TLCD3B: variants seen among roughly 807,000 people sequenced by gnomAD.
The protein encoded by TLCD3B is ceramide synthase.
In TLCD3B, 9 loss-of-function variants were observed where a neutral mutation model predicts 23.0. That is an observed-to-expected ratio of 0.39 (90% CI 0.24 to 0.68). TLCD3B has a LOEUF of 0.68. TLCD3B is among the 30% of genes least tolerant of loss of function. TLCD3B has a pLI of 0.44. For missense variants in TLCD3B, 307 were observed against 371.8 expected (o/e 0.83, Z 1.43); for synonymous variants, 161 against 161.0 (o/e 1.00, Z 0.00).
chr16:30,048,624 CT>C (rs111248569), intron 1 of TLCD3B, among the ~76,000 whole-genome samples: 13,139 of 147,122 alleles, frequency 0.089, 745 homozygotes, highest in African/African-American at 0.15. Flanking sequence ...GTTCTAAAGG[CT>C]TTTTTTTTTT....
Position 30,029,459 on chromosome 16 carries a change from G to A in TLCD3B, c.182C>T (p.Thr61Ile), listed in dbSNP as rs368320502. ...MASTAGYIVS[T>I]SCKHIIDDQH... The stretch of plus-strand genomic sequence containing the variant: ...GTCATCAATGATGTGCTTGCAGGAG[G>A]TGGAGACGATGTAGCCGGCAGTGGA... Residue 61 changes from threonine (T) to isoleucine (I), a missense_variant, in exon 2 of 5, where the codon ACC becomes ATC. By Grantham distance (89) the Thr-to-Ile change is moderately conservative (BLOSUM62 -1). Coordinates refer to ENST00000380495, the MANE Select transcript of TLCD3B (RefSeq NM_031478.6). This position sits in a 1 kb window ranked among gnomAD's most constrained non-coding sequence, Gnocchi z 4.6. 9 of 1,614,062 alleles carry A rather than the reference G, an allele frequency of 5.6e-6. No homozygotes were observed. Among genetic ancestry groups the A allele is most frequent in the African/African-American group, 2.7e-5 (2 of 75,044 alleles).
chr16:30,050,080 C>A (rs1424156060), intron 1 of TLCD3B, among the ~76,000 whole-genome samples: 1 of 152,214 alleles, frequency 6.6e-6, no homozygotes, highest in Non-Finnish European at 1.5e-5. Flanking sequence ...AAAACACCAG[C>A]ACCAGCGAGT....
rs769351400 is a variant in TLCD3B at position 30,025,495 on chromosome 16, G to C, written c.541-28C>G. ...GAGGAGACACAGACACAGTGGCCAC[G>C]GCAGCAGAAGGGCTCGGCCCCCCTT... On this transcript the variant is annotated intron_variant, in intron 4 of 4. Transcript: ENST00000380495. The surrounding 1 kb of genome is among the most constrained non-coding windows in gnomAD (Gnocchi z 4.1). 2.9e-5 allele frequency: 47 copies of C among 1,608,596 alleles called. 2 individuals carry two copies. The Admixed American group carries it at 7.9e-4, about 27-fold the overall frequency.
In TLCD3B at chr16:30,029,692, C is replaced by T. The variant is rs764644614; in HGVS notation, c.126-177G>A. Among the ~76,000 whole-genome samples, 4 of 152,224 alleles carry T rather than the reference C, an allele frequency of 2.6e-5. No homozygotes were observed. Among genetic ancestry groups the T allele is most frequent in the East Asian group, 1.9e-4 (1 of 5,194 alleles). On this transcript the variant is annotated intron_variant, in intron 1 of 4. Coordinates refer to ENST00000380495, the MANE Select transcript of TLCD3B (RefSeq NM_031478.6). The surrounding 1 kb of genome is among the most constrained non-coding windows in gnomAD (Gnocchi z 4.6). The stretch of plus-strand genomic sequence containing the variant: ...GGTGTGCCCCACCACAGGTACCTCA[C>T]GGCTCTCCGGCCCGCTCGGCTGCTG...
rs1018184417 is a variant in TLCD3B at position 30,039,103 on chromosome 16, C to CTTTTTTTTTTT, written c.-67+1881_-67+1891dup. Among the ~76,000 whole-genome samples the CTTTTTTTTTTT allele has an allele frequency of 6.9e-4, 69 of 99,630 alleles. 16 individuals carry two copies. Among genetic ancestry groups the CTTTTTTTTTTT allele is most frequent in the Non-Finnish European group, 8.5e-4 (45 of 52,670 alleles). 65.4% of individuals were successfully genotyped at this position (99,630 alleles called of 152,430 possible). ...TTATCCTTCTCCTCCTCCTTCCTCTCTTTTTTTTTTTTTTTTTTTTTTTTT... is the reference window on the plus strand; with the variant it reads ...TTATCCTTCTCCTCCTCCTTCCTCTCTTTTTTTTTTTTTTTTTTTTTTTTTTTTTTTTTTTT... On this transcript the variant is annotated intron_variant, in intron 3 of 6. Transcript: ENST00000561666.
chr16:30,028,199 CAGG>C (rs2071232406), intron 2 of TLCD3B, among the ~76,000 whole-genome samples: 1 of 152,164 alleles, frequency 6.6e-6, no homozygotes, highest in Non-Finnish European at 1.5e-5. Flanking sequence ...TGGGCTGGTG[CAGG>C]AGACCAGGAG....
In TLCD3B at chr16:30,031,128, CCCAG is replaced by C. The variant is rs2071346327; in HGVS notation, c.-605_-602del. On this transcript the variant is annotated 5_prime_UTR_variant, in exon 1 of 5. The change abolishes the stop of an existing upstream ORF in the 5' untranslated region. Coordinates refer to ENST00000380495, the MANE Select transcript of TLCD3B (RefSeq NM_031478.6). ...ATGGCATCATCATAGAGACTCCGTGCCCAGCCCCCTGCCCCCTCGGTGGGGAGGG... is the reference window on the plus strand; with the variant it reads ...ATGGCATCATCATAGAGACTCCGTGCCCCCCTGCCCCCTCGGTGGGGAGGG... The C allele has an allele frequency of 6.6e-6, 1 of 150,708 alleles. No homozygotes were observed. The highest frequency in any genetic ancestry group is 2.5e-5 in the African/African-American group (1 of 40,798). 9.3% of individuals were successfully genotyped at this position (150,708 alleles called of 1,614,324 possible).
chr16:30,028,000 A>G lies in TLCD3B; in HGVS notation c.210-1157T>C, dbSNP rs149766762. Among the ~76,000 whole-genome samples, 10 of 152,316 alleles carry G rather than the reference A, an allele frequency of 6.6e-5. No homozygotes were observed. The East Asian group carries it at 1.7e-3, about 26-fold the overall frequency. ...TCCAGCAGGGACGGTACCAGGGAAA[A>G]GGGAACCTGAGACTGGTGCAGTGGT... On this transcript the variant is annotated intron_variant, in intron 2 of 4. Coordinates refer to ENST00000380495, the MANE Select transcript of TLCD3B (RefSeq NM_031478.6).
At chr16:30,034,007 A>G (rs1022045076), upstream of TLCD3B, among the ~76,000 whole-genome samples, 1 of 151,330 alleles carries the variant, frequency 6.6e-6, no homozygotes, top group African/African-American at 2.4e-5. Context: ...CCACAATGAC[A>G]TGCACCTGTA....
In TLCD3B at chr16:30,024,448, T is replaced by C; in HGVS notation, c.*735A>G. The C allele has an allele frequency of 1.5e-6, 1 of 645,948 alleles. No individual in the cohort carries two copies. The highest frequency in any genetic ancestry group is 2.6e-6 in the Non-Finnish European group (1 of 381,674). The allele number at this position is 645,948 out of a possible 1,614,324, so 40.0% of individuals were successfully genotyped here. ...TTGGTGGCGTTCACGCAGATCGTCT[T>C]TTATTAGCGGTCTGTAAAGCACCTC... is the stretch of plus-strand genomic sequence containing the variant. On this transcript the variant is annotated 3_prime_UTR_variant, in exon 5 of 5. Transcript: ENST00000380495.
chr16:30,024,852 A>G lies in TLCD3B; in HGVS notation c.*331T>C. 3.7e-6 allele frequency: 1 copy of G among 270,314 alleles called. No homozygotes were observed. Among genetic ancestry groups the G allele is most frequent in the Non-Finnish European group, 6.9e-6 (1 of 145,558 alleles). 16.7% of individuals were successfully genotyped at this position (270,314 alleles called of 1,614,324 possible). On this transcript the variant is annotated 3_prime_UTR_variant, in exon 5 of 5. Transcript: ENST00000380495. ...ATAGGGGCTGGGATGGCCTTGGCAG[A>G]GGCGTCTCCCCACATTCTGACTCCT... is the stretch of plus-strand genomic sequence containing the variant.
rs577211876 is a variant in TLCD3B at position 30,025,556 on chromosome 16, A to T, written c.541-89T>A. The T allele has an allele frequency of 7.7e-6, 12 of 1,559,620 alleles. No individual in the cohort carries two copies. Among genetic ancestry groups the T allele is most frequent in the Non-Finnish European group, 1.1e-5 (12 of 1,136,094 alleles). On this transcript the variant is annotated intron_variant, in intron 4 of 4. Coordinates refer to ENST00000380495, the MANE Select transcript of TLCD3B (RefSeq NM_031478.6). This position sits in a 1 kb window ranked among gnomAD's most constrained non-coding sequence, Gnocchi z 4.1. ...CTGCCTCCCTGCGACCCTAGCAGGCAGCTCCTCCCAAACCAGACACTTTGC... is the reference window on the plus strand; with the variant it reads ...CTGCCTCCCTGCGACCCTAGCAGGCTGCTCCTCCCAAACCAGACACTTTGC...
chr16:30,041,721 CA>C (rs547074758), intron 2 of TLCD3B, among the ~76,000 whole-genome samples: 2,367 of 62,482 alleles, frequency 0.038, 21 homozygotes, highest in African/African-American at 0.079. Flanking sequence ...GACTCTGTCT[CA>C]AAAAAAAAAA....
At chr16:30,044,591 A>C (rs2071628374) in intron 2 of TLCD3B, among the ~76,000 whole-genome samples, 2 of 152,202 alleles carry the variant, frequency 1.3e-5, no homozygotes, top group Admixed American at 6.5e-5. Flanking sequence ...GGATTACAGA[A>C]GTAAGCCACT....
chr16:30,045,195 T>C (rs1476574894), intron 2 of TLCD3B, among the ~76,000 whole-genome samples: 1 of 146,374 alleles, frequency 6.8e-6, no homozygotes, highest in Non-Finnish European at 1.5e-5. Context: ...CCTGCAGTAA[T>C]CAGAAGCGTT....
intron 3 of TLCD3B, among the ~76,000 whole-genome samples, chr16:30,038,944 A>C (rs1175102664): frequency 6.6e-6 from 1 of 151,896 alleles, no homozygotes; most frequent in Non-Finnish European, 1.5e-5. Context: ...TTCTGAATTT[A>C]TTTGTCCCTA....
chr16:30,050,644 C>G (rs2071735753), intron 1 of TLCD3B, among the ~76,000 whole-genome samples: 1 of 152,220 alleles, frequency 6.6e-6, no homozygotes, highest in African/African-American at 2.4e-5. Context: ...CTTCTGTTTT[C>G]TGGGCTTGAA....
upstream of TLCD3B, chr16:30,035,020 C>T (rs140869200): frequency 0.012 from 2,234 of 178,750 alleles, 53 homozygotes; most frequent in African/African-American, 0.049. Flanking sequence ...CATGTGATTC[C>T]CCTGTCTCAG....
chr16:30,030,406 G>T lies in TLCD3B; in HGVS notation c.122C>A (p.Ala41Asp). 6.3e-7 allele frequency: 1 copy of T among 1,576,954 alleles called. No individual in the cohort carries two copies. Among genetic ancestry groups the T allele is most frequent in the Non-Finnish European group, 8.6e-7 (1 of 1,164,696 alleles). Reference sequence around the variant, plus strand: ...GAGGGGAAAGAAAGTGGTTTACCTGGCTGAGACAATGACTGCGTCGGCCTC... The same window carrying T: ...GAGGGGAAAGAAAGTGGTTTACCTGTCTGAGACAATGACTGCGTCGGCCTC... ...WEEADAVIVSARLVSSVQAIM... is the reference protein window; with the variant it reads ...WEEADAVIVSDRLVSSVQAIM... The change falls in exon 1 of 5, where the codon GCC becomes GAC. Residue 41 changes from alanine to aspartate, a missense_variant. Ala to Asp is a moderately radical substitution (Grantham distance 126, BLOSUM62 -2). Transcript: ENST00000380495.
Sources: allele counts gnomAD v4.1 joint callset (sites outside exome capture counted in the v4.1 genomes callset), GRCh38; gene constraint gnomAD v4.1.1; non-coding constraint Gnocchi (gnomAD v3.1); transcripts MANE v1.5; gene names NCBI Gene and HGNC (gene_info 2026-07-23, HGNC 2026-07-21).